The following OTOF variants were observed in gnomAD, a reference collection of about 807,000 sequenced individuals.
OTOF encodes fer-1-like family member 2.
OTOF carries 218 observed loss-of-function variants against 236.8 expected under a neutral mutation model. The ratio of observed to expected loss-of-function variants is 0.92; its 90% CI spans 0.82 to 1.03. The LOEUF is 1.03. Ranked by LOEUF, OTOF falls within the 50% of genes least tolerant of loss-of-function variation. OTOF has a pLI of 0.00. For synonymous variants in OTOF, 1,041 were observed against 1,072.5 expected, an observed-to-expected ratio of 0.97 and a Z score of 0.57; for missense variants, 2,590 against 2,694.4, an observed-to-expected ratio of 0.96 and a Z score of 0.86.
At chr2:26,555,020 C>T (rs1667552580) in intron 1 of OTOF, among the ~76,000 whole-genome samples, 2 of 152,182 alleles carry the variant, frequency 1.3e-5, no homozygotes, top group Admixed American at 6.5e-5. Flanking sequence ...TCCAGGTCCC[C>T]CAGCCTTGGT....
At chr2:26,483,051 ATGTGTGAGTGGGTGTGTGTGCG>A (rs1185128585) in intron 13 of OTOF, among the ~76,000 whole-genome samples, 2 of 86,768 alleles carry the variant, frequency 2.3e-5, no homozygotes, top group Non-Finnish European at 4.7e-5. Flanking sequence ...GCATGTGTGC[ATGTGTGAGTGGGTGTGTGTGCG>A]TGTGTGAATG....
chr2:26,551,260 G>A (rs1221521482), intron 1 of OTOF, among the ~76,000 whole-genome samples: 1 of 152,198 alleles, frequency 6.6e-6, no homozygotes, highest in Non-Finnish European at 1.5e-5. Context: ...CAAAGTGCTG[G>A]GATTACAGGC....
At chr2:26,496,675 G>A (rs1665994784) in intron 8 of OTOF, among the ~76,000 whole-genome samples, 1 of 152,070 alleles carries the variant, frequency 6.6e-6, no homozygotes. Flanking sequence ...GGTCTCATTT[G>A]GATTTGGAGG....
intron 5 of OTOF, among the ~76,000 whole-genome samples, chr2:26,515,475 G>A (rs571779073): frequency 1.3e-5 from 2 of 152,334 alleles, no homozygotes; most frequent in South Asian, 4.1e-4. Flanking sequence ...GCTTAAGGGG[G>A]TGTGAACTCA....
rs371683551 is a variant in OTOF, at chr2:26,466,093, G to A, written c.4501-17C>T. ...GTCCGTGGCCTGGAATGGGGAGAAG[G>A]GCTGCCTGAGCAGGCTCCCATGCCC... On this transcript the variant is annotated splice_polypyrimidine_tract_variant and intron_variant, in intron 36 of 46. Coordinates refer to ENST00000272371, the MANE Select transcript of OTOF (RefSeq NM_194248.3). 2.5e-6 allele frequency: 4 copies of A among 1,613,976 alleles called. No individual in the cohort carries two copies. The highest frequency in any genetic ancestry group is 1.3e-5 in the African/African-American group (1 of 74,920).
Position 26,483,651 on chromosome 2 carries a change from G to T in OTOF, c.1206-3C>A. ...CCCCCTCGGGGAGCAGCAAGTTCCT[G>T]CCAGCACATACAGCCAGGGCCATGG... On this transcript the variant is annotated splice_polypyrimidine_tract_variant and splice_region_variant and intron_variant, in intron 12 of 46. Coordinates refer to ENST00000272371, the MANE Select transcript of OTOF (RefSeq NM_194248.3). 1 of 1,611,642 alleles carries T rather than the reference G, an allele frequency of 6.2e-7. No individual in the cohort carries two copies. The highest frequency in any genetic ancestry group is 8.5e-7 in the Non-Finnish European group (1 of 1,179,730).
At position 26,489,151 on chromosome 2, in the gene OTOF, G is replaced by A. The variant is rs1009810833; in HGVS notation, c.1045+60C>T. On this transcript the variant is annotated intron_variant, in intron 11 of 46. Transcript: ENST00000272371. ...GAACTGCCACAGTGGGAAGGGCCCC[G>A]TGCACCACGCTCCCTGAGCCATGCA... The A allele has an allele frequency of 4.8e-5, 59 of 1,232,582 alleles. No individual in the cohort carries two copies. In the South Asian group the frequency reaches 5.0e-4, roughly 10 times the overall value. 76.4% of individuals were successfully genotyped at this position (1,232,582 alleles called of 1,614,324 possible). A position where few individuals can be genotyped will look rare whatever the true frequency, so the allele number is the denominator to read the frequency against.
chr2:26,552,602 G>A (rs1456724614), intron 1 of OTOF, among the ~76,000 whole-genome samples: 2 of 152,156 alleles, frequency 1.3e-5, no homozygotes, highest in Non-Finnish European at 2.9e-5. Flanking sequence ...CAAAGCAGAA[G>A]TCTGGGGAAT....
At chr2:26,480,141 C>G (rs554988952) in intron 16 of OTOF, 62 bp downstream of exon 16, 1 of 945,588 alleles carries the variant, frequency 1.1e-6, no homozygotes, top group African/African-American at 1.6e-5. Flanking sequence ...CAGCCTAGGC[C>G]TGAAGCCCCC....
intron 1 of OTOF, among the ~76,000 whole-genome samples, chr2:26,540,864 A>G (rs902870365): frequency 3.9e-5 from 6 of 152,230 alleles, no homozygotes; most frequent in Non-Finnish European, 7.3e-5. Flanking sequence ...AATGTTTAGC[A>G]CCAGCCAGAG....
intron 1 of OTOF, among the ~76,000 whole-genome samples, chr2:26,558,106 G>A (rs1478363875): frequency 3.3e-5 from 5 of 151,692 alleles, no homozygotes; most frequent in Non-Finnish European, 5.9e-5. Flanking sequence ...CTCCATACCC[G>A]GCCCCCACCC....
intron 33 of OTOF, 148 bp from the exon 34 acceptor site, chr2:26,467,649 G>T: frequency 9.4e-7 from 1 of 1,067,914 alleles, no homozygotes; most frequent in Non-Finnish European, 1.4e-6. Context: ...TCCCTAGCAT[G>T]CCCGCCTCAT....
intron 9 of OTOF, 72 bp downstream of exon 9, chr2:26,494,870 T>G (rs1665941437): frequency 6.3e-7 from 1 of 1,582,432 alleles, no homozygotes; most frequent in Non-Finnish European, 8.7e-7. Flanking sequence ...CCACTCCTAT[T>G]TCTCCTGGGG....
Position 26,461,365 on chromosome 2 carries a change from A to T in OTOF, c.5533+331T>A, listed in dbSNP as rs1664455132. Among the ~76,000 whole-genome samples the T allele has an allele frequency of 6.6e-6, 1 of 152,152 alleles. No individual in the cohort carries two copies. The highest frequency in any genetic ancestry group is 6.5e-5 in the Admixed American group (1 of 15,290). On this transcript the variant is annotated intron_variant, in intron 43 of 46. Coordinates refer to ENST00000272371, the MANE Select transcript of OTOF (RefSeq NM_194248.3). The surrounding 1 kb of genome is among the most constrained non-coding windows in gnomAD (Gnocchi z 6.2). ...AGATGCAGATTAGAGTTTTAGGGAG[A>T]ATCCCTGCTTTACAGAGAAGCAACC... is the stretch of plus-strand genomic sequence containing the variant.
intron 5 of OTOF, among the ~76,000 whole-genome samples, chr2:26,508,191 TAA>T (rs1368995687): frequency 3.3e-5 from 5 of 152,200 alleles, no homozygotes; most frequent in African/African-American, 1.2e-4. Flanking sequence ...TCAATCAGGA[TAA>T]AGACTCCTGT....
intron 3 of OTOF, among the ~76,000 whole-genome samples, chr2:26,527,315 T>C (rs1666831951): frequency 6.6e-6 from 1 of 152,242 alleles, no homozygotes; most frequent in Non-Finnish European, 1.5e-5. Flanking sequence ...CATGAGCACA[T>C]TGAAATCAGA....
rs376038992 is a variant in OTOF, at chr2:26,460,603, C to T, written c.5813+44G>A. ...TCGTCTCCTTCCTGTTCCAGCGCCT[C>T]CAAGAGCCAGAGTGGGGAGGGGCTG... On this transcript the variant is annotated intron_variant, in intron 45 of 46. Transcript: ENST00000272371. This position sits in a 1 kb window ranked among gnomAD's most constrained non-coding sequence, Gnocchi z 5.3. The T allele has an allele frequency of 5.1e-4, 771 of 1,500,392 alleles. No individual in the cohort carries two copies. Among genetic ancestry groups the T allele is most frequent in the Non-Finnish European group, 6.0e-4 (648 of 1,078,276 alleles). The allele number at this position is 1,500,392 out of a possible 1,614,324, so 92.9% of individuals were successfully genotyped here.
intron 2 of OTOF, among the ~76,000 whole-genome samples, chr2:26,532,480 C>T (rs1459948000): frequency 6.6e-6 from 1 of 152,232 alleles, no homozygotes; most frequent in Non-Finnish European, 1.5e-5. Context: ...ATTTGCTGAG[C>T]ACTTGCTGTG....
chr2:26,472,847 G>A (rs944281774), intron 29 of OTOF, among the ~76,000 whole-genome samples, 198 bp from the exon 30 acceptor site: 2 of 152,326 alleles, frequency 1.3e-5, no homozygotes, highest in East Asian at 1.9e-4. Context: ...TGCGGAGGCC[G>A]GTGGGAGGGA....
Sources: allele counts gnomAD v4.1 joint callset (sites outside exome capture counted in the v4.1 genomes callset), GRCh38; gene constraint gnomAD v4.1.1; non-coding constraint Gnocchi (gnomAD v3.1); transcripts MANE v1.5; gene names NCBI Gene and HGNC (gene_info 2026-07-23, HGNC 2026-07-21).